The following ZFHX3 variants were observed in gnomAD, a reference collection of about 807,000 sequenced individuals.
The protein encoded by ZFHX3 is zinc finger homeobox 3.
ZFHX3 carries 42 observed loss-of-function variants against 279.1 expected under a neutral mutation model. The ratio of observed to expected loss-of-function variants is 0.15; its 90% confidence interval spans 0.12 to 0.19. The LOEUF (loss-of-function observed/expected upper bound fraction) is 0.19. Ranked by LOEUF, ZFHX3 falls within the 10% of genes least tolerant of loss-of-function variation. ZFHX3 has a pLI of 1.00. For missense variants in ZFHX3, 4,981 were observed against 4,754.0 expected, an observed-to-expected ratio of 1.05 and a Z score of -1.40; for synonymous variants, 2,293 against 1,957.8, an observed-to-expected ratio of 1.17 and a Z score of -4.52.
chr16:73,686,280 G>A (rs567439955), intron 1 of ZFHX3, among the ~76,000 whole-genome samples: 1 of 152,172 alleles, frequency 6.6e-6, no homozygotes, highest in African/African-American at 2.4e-5. Context: ...ATTTTTAGTA[G>A]AGACAGGGTT....
chr16:73,538,127 T>G (rs1472602431), intron 2 of ZFHX3, among the ~76,000 whole-genome samples: 1 of 152,174 alleles, frequency 6.6e-6, no homozygotes, highest in Non-Finnish European at 1.5e-5. Flanking sequence ...GAGCAGCAAG[T>G]CATCACGCAG....
chr16:73,590,456 AT>A (rs1420079732), intron 2 of ZFHX3, among the ~76,000 whole-genome samples: 1 of 152,240 alleles, frequency 6.6e-6, no homozygotes, highest in East Asian at 1.9e-4. Context: ...ACAGGAACCA[AT>A]TTAAAGGGAT....
intron 5 of ZFHX3, among the ~76,000 whole-genome samples, chr16:73,175,000 C>A (rs1967628678): frequency 6.6e-6 from 1 of 151,878 alleles, no homozygotes; most frequent in South Asian, 2.1e-4. Context: ...TGCACTCCAG[C>A]CTGGGTGACA....
intron 3 of ZFHX3, among the ~76,000 whole-genome samples, chr16:73,329,747 A>G (rs189915760): frequency 6.6e-6 from 1 of 151,236 alleles, no homozygotes; most frequent in East Asian, 1.9e-4. Context: ...TAATGGGCAA[A>G]TCTAAGTAGG....
intron 3 of ZFHX3, among the ~76,000 whole-genome samples, chr16:72,915,260 G>A (rs1230763797): frequency 1.3e-5 from 2 of 152,138 alleles, no homozygotes; most frequent in Non-Finnish European, 2.9e-5. Context: ...TTAAAAAAAT[G>A]ACACTAATAA....
chr16:73,880,445 G>A (rs1597156110), intron 1 of ZFHX3, among the ~76,000 whole-genome samples: 2 of 152,178 alleles, frequency 1.3e-5, no homozygotes, highest in East Asian at 1.9e-4. Flanking sequence ...AGGATTTGAC[G>A]TAATTTGCAA....
intron 8 of ZFHX3, among the ~76,000 whole-genome samples, chr16:73,083,795 C>T (rs536955790): frequency 3.9e-4 from 60 of 152,268 alleles, no homozygotes; most frequent in Admixed American, 2.4e-3. Flanking sequence ...CTCCCAAGTG[C>T]TGGGATTACA....
At chr16:73,362,595 G>C (rs530361920) in intron 3 of ZFHX3, among the ~76,000 whole-genome samples, 2 of 152,206 alleles carry the variant, frequency 1.3e-5, no homozygotes, top group South Asian at 4.1e-4. Context: ...CAGAACCACC[G>C]ATGAATTCAT....
chr16:73,730,218 T>C (rs1413410005), intron 1 of ZFHX3, among the ~76,000 whole-genome samples: 1 of 152,090 alleles, frequency 6.6e-6, no homozygotes, highest in Non-Finnish European at 1.5e-5. Context: ...GGACAGAATA[T>C]GGAAATGAGA....
rs1049945729 is a variant in ZFHX3 at position 72,796,355 on chromosome 16, G to A, written c.6327C>T (p.Thr2109=). 3.1e-6 allele frequency: 5 copies of A among 1,613,836 alleles called. No individual in the cohort carries two copies. The Admixed American group carries it at 8.3e-5, about 27-fold the overall frequency. Residue 2109 remains threonine (T), a synonymous_variant, in exon 9 of 10, where the codon ACC becomes ACT. Coordinates refer to ENST00000268489, the MANE Select transcript of ZFHX3 (RefSeq NM_006885.4). Reference sequence around the variant, plus strand: ...GCTGCGGGGGTAGCTGAGCCGGCAAGGTCTGCAGCGGCATCGTCTGCATCA... The same window carrying A: ...GCTGCGGGGGTAGCTGAGCCGGCAAAGTCTGCAGCGGCATCGTCTGCATCA... ...PLMMQTMPLQ[T]LPAQLPPQLG... is the part of the protein sequence containing the mutation.
chr16:73,458,048 C>A (rs933076521), intron 2 of ZFHX3, among the ~76,000 whole-genome samples: 1 of 152,198 alleles, frequency 6.6e-6, no homozygotes, highest in Non-Finnish European at 1.5e-5. Flanking sequence ...CCTGCACCAT[C>A]CCGCAATAGA....
intron 1 of ZFHX3, among the ~76,000 whole-genome samples, chr16:73,816,651 G>A (rs572892318): frequency 6.6e-6 from 1 of 152,314 alleles, no homozygotes; most frequent in Non-Finnish European, 1.5e-5. Flanking sequence ...GAAAAAGAGA[G>A]AGGGCTGAAT....
At chr16:73,019,005 T>C (rs995399162) in intron 1 of ZFHX3, among the ~76,000 whole-genome samples, 8 of 152,188 alleles carry the variant, frequency 5.3e-5, no homozygotes, top group Admixed American at 4.6e-4. Context: ...CACACACTCA[T>C]TGTCACATCC....
intron 4 of ZFHX3, among the ~76,000 whole-genome samples, chr16:72,882,171 CCTTTT>C (rs1052915657): frequency 1.0e-5 from 1 of 98,576 alleles, no homozygotes; most frequent in African/African-American, 4.3e-5. Context: ...ACCCCTTTTT[CCTTTT>C]TTTTTTTTTT....
intron 7 of ZFHX3, among the ~76,000 whole-genome samples, chr16:73,103,441 G>T (rs1316479268): frequency 1.3e-5 from 2 of 152,172 alleles, no homozygotes; most frequent in Non-Finnish European, 2.9e-5. Context: ...CTCCTGGAGG[G>T]TCTCTCCTCC....
intron 7 of ZFHX3, among the ~76,000 whole-genome samples, chr16:73,094,170 C>T (rs956820942): frequency 1.3e-5 from 2 of 152,156 alleles, no homozygotes; most frequent in African/African-American, 4.8e-5. Context: ...AATGCCTGAT[C>T]TTTCTCCAGC....
chr16:73,221,968 T>C (rs2012436117), intron 5 of ZFHX3, among the ~76,000 whole-genome samples: 1 of 152,130 alleles, frequency 6.6e-6, no homozygotes, highest in African/African-American at 2.4e-5. Flanking sequence ...TATTTAATTG[T>C]ATTTTATTTA....
chr16:72,991,099 C>T (rs991323363), intron 1 of ZFHX3, among the ~76,000 whole-genome samples: 5 of 145,106 alleles, frequency 3.4e-5, no homozygotes, highest in African/African-American at 7.6e-5. Context: ...GTCCCTTATC[C>T]GAGGCTTCAT....
At chr16:73,809,933 C>G (rs553961531) in intron 1 of ZFHX3, among the ~76,000 whole-genome samples, 1 of 152,248 alleles carries the variant, frequency 6.6e-6, no homozygotes, top group East Asian at 1.9e-4. Context: ...TATTGCTTTG[C>G]TTGGTAGCAG....
Sources: gnomAD v4.1 joint callset for allele counts (sites outside exome capture counted in the v4.1 genomes callset) on GRCh38, gnomAD v4.1.1 for gene constraint, MANE v1.5 for transcripts, NCBI Gene and HGNC (gene_info 2026-07-23, HGNC 2026-07-21) for gene names.